Variants in PCDHGA1 observed in about 807,000 individuals in gnomAD.
PCDHGA1 encodes the protein protocadherin gamma subfamily A, 1.
A neutral mutation model predicts 58.0 loss-of-function variants in PCDHGA1; 32 were observed. The observed-to-expected ratio is 0.55, with a 90% confidence interval of 0.42 to 0.74. The LOEUF is 0.74. Ranked by LOEUF, PCDHGA1 falls within the 30% of genes least tolerant of loss-of-function variation. The pLI, the probability that PCDHGA1 is intolerant of heterozygous loss-of-function variation, is 0.00. For synonymous variants in PCDHGA1, 498 were observed against 501.1 expected (o/e 0.99, Z 0.08); for missense variants, 1,205 against 1,182.3 (o/e 1.02, Z -0.28).
In PCDHGA1 at chr5:141,371,090, C is replaced by G. The variant is rs764906419; in HGVS notation, c.2421+37985C>G. The G allele has an allele frequency of 5.0e-6, 8 of 1,613,702 alleles. No homozygotes were observed. The East Asian group carries it at 1.8e-4, about 36-fold the overall frequency. On this transcript the variant is annotated intron_variant, in intron 1 of 3. Transcript: ENST00000517417. ...GTACCACCCAGATCAGGGTAATTGT[C>G]GCAGATGCAAATGATAACCCCCCAG...
At chr5:141,375,942 G>T in intron 1 of PCDHGA1, 4 of 1,613,518 alleles carry the variant, frequency 2.5e-6, no homozygotes, top group Non-Finnish European at 2.5e-6. Flanking sequence ...TTCTCAGTGG[G>T]CCTGCACACG....
intron 1 of PCDHGA1, chr5:141,362,228 T>G: frequency 6.2e-7 from 1 of 1,614,028 alleles, no homozygotes; most frequent in Non-Finnish European, 8.5e-7. Context: ...GCCTTGGCCT[T>G]GATCTCAGTG....
At chr5:141,392,682 C>T in intron 1 of PCDHGA1, 2 of 1,035,550 alleles carry the variant, frequency 1.9e-6, no homozygotes, top group Non-Finnish European at 2.7e-6. Flanking sequence ...TGGACTGCAG[C>T]GAAACCCGAC....
intron 1 of PCDHGA1, among the ~76,000 whole-genome samples, chr5:141,479,962 A>G: frequency 6.6e-6 from 1 of 152,226 alleles, no homozygotes; most frequent in Non-Finnish European, 1.5e-5. Context: ...GCAGTTAGTC[A>G]AATGAGGTTC....
At chr5:141,366,832 G>C in intron 1 of PCDHGA1, 1 of 1,518,404 alleles carries the variant, frequency 6.6e-7, no homozygotes, top group South Asian at 1.3e-5. Flanking sequence ...TTCAGAATCA[G>C]CTAGTTATGT....
chr5:141,393,603 G>C, intron 1 of PCDHGA1: 1 of 1,613,928 alleles, frequency 6.2e-7, no homozygotes, highest in East Asian at 2.2e-5. Flanking sequence ...GCTGCTTACT[G>C]TAACAGCCAG....
intron 1 of PCDHGA1, among the ~76,000 whole-genome samples, chr5:141,435,605 C>T (rs776926758): frequency 1.1e-4 from 17 of 152,134 alleles, no homozygotes; most frequent in Non-Finnish European, 1.9e-4. Flanking sequence ...CTGCTTTTTA[C>T]ATTAAATTCC....
At chr5:141,358,923 G>A (rs1175960333) in intron 1 of PCDHGA1, among the ~76,000 whole-genome samples, 1 of 152,194 alleles carries the variant, frequency 6.6e-6, no homozygotes, top group Non-Finnish European at 1.5e-5. Flanking sequence ...GTGTGTAGGG[G>A]ATATACAACA....
intron 1 of PCDHGA1, chr5:141,355,318 G>T (rs963609371): frequency 1.2e-6 from 2 of 1,613,972 alleles, no homozygotes; most frequent in Non-Finnish European, 1.7e-6. Flanking sequence ...TGAGGAGCAG[G>T]AAGAAGGCTC....
chr5:141,331,263 G>T lies in PCDHGA1; in HGVS notation c.579G>T (p.Glu193Asp). 6.2e-7 allele frequency: 1 copy of T among 1,614,142 alleles called. No individual in the cohort carries two copies. Among genetic ancestry groups the T allele is most frequent in the East Asian group, 2.2e-5 (1 of 44,880 alleles). ...GAGCCGATGGGCCTCAACATCCAGA[G>T]ATGGTGCTGCAGAGTCCCTTAGACA... ...QQGADGPQHPEMVLQSPLDRE... is the reference protein window; with the variant it reads ...QQGADGPQHPDMVLQSPLDRE... The change falls in exon 1 of 4, where the codon GAG becomes GAT. Residue 193 changes from glutamate (E) to aspartate (D), a missense_variant. Glu to Asp is a conservative substitution (Grantham distance 45). Transcript: ENST00000517417.
chr5:141,417,701 C>T (rs1382264857), intron 1 of PCDHGA1: 1 of 1,192,516 alleles, frequency 8.4e-7, no homozygotes, highest in Admixed American at 3.0e-5. Flanking sequence ...CCAGCTCCCA[C>T]ACAGAGGCTC....
chr5:141,420,047 G>T lies in PCDHGA1; in HGVS notation c.2422-74760G>T. ...TACTGCAGGAGACTGCTTTGAGTCA[G>T]TTCTCTGCTCCAAGTCCGGACCTGT... On this transcript the variant is annotated intron_variant, in intron 1 of 3. Coordinates refer to ENST00000517417, the MANE Select transcript of PCDHGA1 (RefSeq NM_018912.3). 3 of 1,614,076 alleles carry T rather than the reference G, an allele frequency of 1.9e-6. No individual in the cohort carries two copies. The South Asian group carries it at 3.3e-5, about 18-fold the overall frequency.
chr5:141,372,154 T>A, intron 1 of PCDHGA1: 1 of 1,613,784 alleles, frequency 6.2e-7, no homozygotes, highest in East Asian at 2.2e-5. Flanking sequence ...CCTGGCTACC[T>A]GGTGACCAAG....
intron 1 of PCDHGA1, chr5:141,427,019 CAA>C (rs1369360584): frequency 8.8e-6 from 4 of 456,798 alleles, no homozygotes; most frequent in Admixed American, 2.3e-5. Flanking sequence ...AGGATGTATA[CAA>C]AGTCAGCCTT....
chr5:141,503,547 C>T (rs545918096), intron 2 of PCDHGA1, among the ~76,000 whole-genome samples: 22 of 147,734 alleles, frequency 1.5e-4, no homozygotes, highest in African/African-American at 4.8e-4. Flanking sequence ...TGCAGTGAGC[C>T]GAGATCGCGC....
intron 1 of PCDHGA1, among the ~76,000 whole-genome samples, chr5:141,481,443 C>T (rs971405190): frequency 1.3e-5 from 2 of 152,174 alleles, no homozygotes; most frequent in African/African-American, 4.8e-5. Flanking sequence ...CAGTTTAGTA[C>T]ATGTAAATAC....
In PCDHGA1 at chr5:141,489,116, C is replaced by A; in HGVS notation, c.2422-5691C>A. Reference sequence around the variant, plus strand: ...TAAGAACTGCTGCAAGCAGGCAAACCTCCGAGCAGTTTTTAAGAGGCTGGA... The same window carrying A: ...TAAGAACTGCTGCAAGCAGGCAAACATCCGAGCAGTTTTTAAGAGGCTGGA... On this transcript the variant is annotated intron_variant, in intron 1 of 3. Transcript: ENST00000517417. The surrounding 1 kb of genome is among the most constrained non-coding windows in gnomAD (Gnocchi z 4.5). 3.7e-6 allele frequency: 2 copies of A among 536,398 alleles called. No homozygotes were observed. The highest frequency in any genetic ancestry group is 6.2e-6 in the Non-Finnish European group (2 of 322,530). 33.2% of individuals were successfully genotyped at this position (536,398 alleles called of 1,614,324 possible).
intron 1 of PCDHGA1, among the ~76,000 whole-genome samples, chr5:141,336,683 C>T (rs1463537893): frequency 6.6e-6 from 1 of 152,166 alleles, no homozygotes; most frequent in African/African-American, 2.4e-5. Context: ...AACTATACAA[C>T]TCTTAGAAGA....
rs199756911 is a variant in PCDHGA1 at position 141,365,042 on chromosome 5, A to T, written c.2421+31937A>T. On this transcript the variant is annotated intron_variant, in intron 1 of 3. Coordinates refer to ENST00000517417, the MANE Select transcript of PCDHGA1 (RefSeq NM_018912.3). ...TGTTACGGTCCTCGACGCAAACGAC[A>T]ATGCGCCCCTGTTCACCCCATCCGA... 1.5e-4 allele frequency: 244 copies of T among 1,613,726 alleles called. No individual in the cohort carries two copies. Among genetic ancestry groups the T allele is most frequent in the Non-Finnish European group, 1.9e-4 (219 of 1,179,898 alleles).
Sources: allele counts gnomAD v4.1 joint callset (sites outside exome capture counted in the v4.1 genomes callset), GRCh38; gene constraint gnomAD v4.1.1; non-coding constraint Gnocchi (gnomAD v3.1); transcripts MANE v1.5; gene names NCBI Gene and HGNC (gene_info 2026-07-23, HGNC 2026-07-21).